Variants in PLA2G2C observed in about 807,000 individuals in gnomAD.
PLA2G2C encodes the protein putative inactive group IIC secretory phospholipase A2.
PLA2G2C carries 15 observed loss-of-function variants against 14.3 expected under a neutral mutation model. The observed-to-expected ratio is 1.05, with a 90% CI of 0.70 to 1.62. The LOEUF is 1.62. Ranked by LOEUF, PLA2G2C falls within the 40% of genes most tolerant of loss-of-function variation. The pLI is 0.00. For missense variants in PLA2G2C, 162 were observed against 173.2 expected (o/e 0.94, Z 0.36); for synonymous variants, 79 against 67.7 (o/e 1.17, Z -0.82).
At chr1:20,164,521 T>C (rs1435938861) in intron 4 of PLA2G2C, among the ~76,000 whole-genome samples, 1 of 152,140 alleles carries the variant, frequency 6.6e-6, no homozygotes, top group Non-Finnish European at 1.5e-5. Flanking sequence ...TGGAGAAGCC[T>C]AGAAGGAATC....
At chr1:20,181,974 T>G (rs1021360664) in intron 1 of PLA2G2C, among the ~76,000 whole-genome samples, 1 of 152,168 alleles carries the variant, frequency 6.6e-6, no homozygotes, top group African/African-American at 2.4e-5. Flanking sequence ...GAGCCTCACC[T>G]TCCTCCACTA....
rs1446500662 is a variant in PLA2G2C, at chr1:20,163,723, T to G, written c.*268A>C. 14 of 436,138 alleles carry G rather than the reference T, an allele frequency of 3.2e-5. No individual in the cohort carries two copies. The highest frequency in any genetic ancestry group is 4.1e-6 in the Non-Finnish European group (1 of 243,286). 27.0% of individuals were successfully genotyped at this position (436,138 alleles called of 1,614,324 possible). A position where few individuals can be genotyped will look rare whatever the true frequency, so the allele number is the denominator to read the frequency against. On this transcript the variant is annotated 3_prime_UTR_variant, in exon 5 of 5. Transcript: ENST00000679259. ...AATGTGTCTCTTACTTCTATATCCA[T>G]GCATTTGTAGTCCTCCCCACTCCAC...
intron 1 of PLA2G2C, chr1:20,186,070 C>T (rs1326396557): frequency 2.0e-5 from 3 of 151,686 alleles, no homozygotes; most frequent in South Asian, 2.1e-4. Flanking sequence ...GGCCCCCCAC[C>T]CTGCGGCGTT....
At position 20,163,952 on chromosome 1, in the gene PLA2G2C, G is replaced by C. The variant is rs781113985; in HGVS notation, c.*39C>G. ...AAGGCTTCCTGGAAGAGCAACACTA[G>C]AGCGGATGCTGGATGATGAGAGGGA... is the stretch of plus-strand genomic sequence containing the variant. On this transcript the variant is annotated 3_prime_UTR_variant, in exon 5 of 5. Transcript: ENST00000679259. 4 of 1,587,250 alleles carry C rather than the reference G, an allele frequency of 2.5e-6. No individual in the cohort carries two copies. The highest frequency in any genetic ancestry group is 1.2e-5 in the South Asian group (1 of 86,304).
chr1:20,174,575 C>T, intron 3 of PLA2G2C, among the ~76,000 whole-genome samples: 1 of 152,200 alleles, frequency 6.6e-6, no homozygotes, highest in East Asian at 1.9e-4. Flanking sequence ...AGCACTTTTA[C>T]TATGAGGATG....
chr1:20,177,030 G>GA (rs1310916382), intron 2 of PLA2G2C, among the ~76,000 whole-genome samples: 1 of 152,036 alleles, frequency 6.6e-6, no homozygotes, highest in Non-Finnish European at 1.5e-5. Flanking sequence ...GCATCCAAAG[G>GA]AAAAAAGACT....
At chr1:20,168,922 T>A (rs1236398456) in intron 4 of PLA2G2C, among the ~76,000 whole-genome samples, 1 of 152,206 alleles carries the variant, frequency 6.6e-6, no homozygotes, top group East Asian at 1.9e-4. Flanking sequence ...AATTGGGCCC[T>A]GGGCTCTGGT....
intron 4 of PLA2G2C, among the ~76,000 whole-genome samples, chr1:20,166,440 A>G (rs2017981269): frequency 6.6e-6 from 1 of 152,118 alleles, no homozygotes; most frequent in Non-Finnish European, 1.5e-5. Flanking sequence ...GCCTCTGTGA[A>G]GATCCTTCCA....
intron 4 of PLA2G2C, among the ~76,000 whole-genome samples, chr1:20,171,513 TG>T (rs1557786403): frequency 6.6e-6 from 1 of 151,920 alleles, no homozygotes. Context: ...GCTGAAGTGG[TG>T]GGTTGGGGGA....
chr1:20,186,075 G>A (rs1209539493), intron 1 of PLA2G2C: 2 of 141,822 alleles, frequency 1.4e-5, no homozygotes, highest in African/African-American at 5.1e-5. Context: ...CCCACCCTGC[G>A]GCGTTGCCCG....
intron 4 of PLA2G2C, among the ~76,000 whole-genome samples, chr1:20,172,234 G>A (rs987338361): frequency 6.6e-5 from 10 of 152,220 alleles, no homozygotes; most frequent in Non-Finnish European, 1.0e-4. Flanking sequence ...CCTACCAGCC[G>A]CAGAACACGC....
At chr1:20,176,502 C>G (rs555065889) in intron 2 of PLA2G2C, among the ~76,000 whole-genome samples, 1 of 152,340 alleles carries the variant, frequency 6.6e-6, no homozygotes, top group East Asian at 1.9e-4. Context: ...TGCCTTCGAT[C>G]TCACTATCGT....
chr1:20,176,288 T>C (rs1330469520), intron 2 of PLA2G2C, among the ~76,000 whole-genome samples: 2 of 152,142 alleles, frequency 1.3e-5, no homozygotes, highest in East Asian at 3.9e-4. Context: ...AGGATGTATA[T>C]CAAACTCTTA....
intron 1 of PLA2G2C, among the ~76,000 whole-genome samples, chr1:20,180,616 T>C (rs1292346122): frequency 2.0e-5 from 3 of 152,236 alleles, no homozygotes; most frequent in African/African-American, 7.2e-5. Context: ...CTCTTGTTCG[T>C]GTGGCATTTT....
intron 1 of PLA2G2C, among the ~76,000 whole-genome samples, chr1:20,178,927 C>A (rs1435624023): frequency 6.6e-6 from 1 of 152,258 alleles, no homozygotes; most frequent in Non-Finnish European, 1.5e-5. Context: ...ATGCTTCACA[C>A]AGTCCTGGCA....
chr1:20,173,042 C>T (rs1297534875), intron 3 of PLA2G2C, 145 bp from the exon 4 acceptor site: 3 of 604,376 alleles, frequency 5.0e-6, no homozygotes, highest in African/African-American at 1.9e-5. Context: ...GGTGTGGTGG[C>T]TCATGCCTGC....
intron 1 of PLA2G2C, among the ~76,000 whole-genome samples, chr1:20,181,627 T>C (rs1428556876): frequency 6.6e-6 from 1 of 151,766 alleles, no homozygotes; most frequent in Non-Finnish European, 1.5e-5. Flanking sequence ...GACTCTTGTT[T>C]TAGATGCAGT....
At chr1:20,173,339 A>C (rs1283480002) in intron 3 of PLA2G2C, among the ~76,000 whole-genome samples, 1 of 152,060 alleles carries the variant, frequency 6.6e-6, no homozygotes, top group Non-Finnish European at 1.5e-5. Flanking sequence ...AAAATAAAAA[A>C]TAATAATAAT....
chr1:20,163,855 G>A lies in PLA2G2C; in HGVS notation c.*136C>T, dbSNP rs577988559. ...CCCCTTGGTCAGAATGCTGAAGGGT[G>A]AGCTGCCCTGCGGGAGACATTTTGT... On this transcript the variant is annotated 3_prime_UTR_variant, in exon 5 of 5. Transcript: ENST00000679259. The A allele has an allele frequency of 4.2e-5, 42 of 989,520 alleles. 1 individual carries two copies. In the South Asian group the frequency reaches 7.4e-4, roughly 17 times the overall value. 61.3% of individuals were successfully genotyped at this position (989,520 alleles called of 1,614,324 possible).
Sources: allele counts gnomAD v4.1 joint callset (sites outside exome capture counted in the v4.1 genomes callset), GRCh38; gene constraint gnomAD v4.1.1; transcripts MANE v1.5; gene names NCBI Gene and HGNC (gene_info 2026-07-23, HGNC 2026-07-21).